The following PCDHGB2 variants were observed in gnomAD, a reference collection of about 807,000 sequenced individuals.
PCDHGB2 encodes the protein protocadherin gamma subfamily B, 2.
PCDHGB2 carries 55 observed loss-of-function variants against 59.3 expected under a neutral mutation model. That is an observed-to-expected ratio of 0.93 (90% CI 0.75 to 1.16). The LOEUF is 1.16. PCDHGB2 is among the 50% of genes most tolerant of loss of function. PCDHGB2 has a pLI of 0.00. For missense variants in PCDHGB2, 1,228 were observed against 1,198.5 expected (o/e 1.02, Z -0.36); for synonymous variants, 516 against 512.0 (o/e 1.01, Z -0.11).
chr5:141,489,896 C>T lies in PCDHGB2; in HGVS notation c.2422-4911C>T, dbSNP rs765318875. 3 of 1,614,180 alleles carry T rather than the reference C, an allele frequency of 1.9e-6. No homozygotes were observed. The highest frequency in any genetic ancestry group is 1.3e-5 in the African/African-American group (1 of 75,066). On this transcript the variant is annotated intron_variant, in intron 1 of 3. Coordinates refer to ENST00000522605, the MANE Select transcript of PCDHGB2 (RefSeq NM_018923.3). The surrounding 1 kb of genome is among the most constrained non-coding windows in gnomAD (Gnocchi z 4.5). ...GTGCTTACTGCTGTGGATGGGGGGA[C>T]CCCAGCCCGCTCAGGGACCACCCTT...
intron 2 of PCDHGB2, among the ~76,000 whole-genome samples, chr5:141,496,486 C>T (rs186488143): frequency 1.3e-5 from 2 of 152,322 alleles, no homozygotes; most frequent in East Asian, 3.9e-4. Flanking sequence ...CTGCAACCAA[C>T]CAAACCCTTG....
chr5:141,477,642 A>G lies in PCDHGB2; in HGVS notation c.2422-17165A>G, dbSNP rs767152121. On this transcript the variant is annotated intron_variant, in intron 1 of 3. Transcript: ENST00000522605. The surrounding 1 kb of genome is among the most constrained non-coding windows in gnomAD (Gnocchi z 4.9). ...GCTGAAACCGGGCTAGTGGGTCGCT[A>G]TTTCACAATAAATCGTGACAATGGC... 9 of 1,614,136 alleles carry G rather than the reference A, an allele frequency of 5.6e-6. No individual in the cohort carries two copies. Among genetic ancestry groups the G allele is most frequent in the Non-Finnish European group, 7.6e-6 (9 of 1,180,022 alleles).
chr5:141,392,785 T>G (rs1329989423), intron 1 of PCDHGB2: 2 of 1,549,000 alleles, frequency 1.3e-6, no homozygotes, highest in African/African-American at 2.7e-5. Flanking sequence ...ACAGTGAAGA[T>G]TCTGAGAGGA....
chr5:141,372,619 C>A, intron 1 of PCDHGB2: 1 of 1,613,968 alleles, frequency 6.2e-7, no homozygotes, highest in South Asian at 1.1e-5. Context: ...GTTCTCCCCA[C>A]CTACAGCGAA....
intron 1 of PCDHGB2, chr5:141,370,955 T>C (rs780139792): frequency 7.4e-6 from 12 of 1,613,996 alleles, no homozygotes; most frequent in South Asian, 4.4e-5. Flanking sequence ...AGAACCTGGA[T>C]GGCAGTAGGT....
intron 1 of PCDHGB2, chr5:141,389,390 C>G: frequency 2.5e-6 from 4 of 1,613,718 alleles, no homozygotes; most frequent in Non-Finnish European, 3.4e-6. Context: ...TGTCATCCTA[C>G]GTGTCCATAA....
chr5:141,505,335 A>G, intron 2 of PCDHGB2, 58 bp from the exon 3 acceptor site: 1 of 1,611,086 alleles, frequency 6.2e-7, no homozygotes, highest in Non-Finnish European at 8.5e-7. Flanking sequence ...AGAGGACAGG[A>G]GGGGCATGAG....
intron 1 of PCDHGB2, chr5:141,374,825 C>A (rs11575953): frequency 0.017 from 27,610 of 1,613,884 alleles, 291 homozygotes; most frequent in African/African-American, 0.03. Context: ...GCCTGTCTAC[C>A]GTGTAAGTGT....
At chr5:141,452,256 C>T (rs533770410) in intron 1 of PCDHGB2, among the ~76,000 whole-genome samples, 1 of 152,298 alleles carries the variant, frequency 6.6e-6, no homozygotes, top group African/African-American at 2.4e-5. Flanking sequence ...CCATAACTCT[C>T]TCATTTTCTT....
intron 1 of PCDHGB2, chr5:141,412,426 A>G (rs1051574976): frequency 2.6e-5 from 4 of 152,234 alleles, no homozygotes; most frequent in African/African-American, 9.6e-5. Context: ...GTTTTACACA[A>G]AAAGGTTAAT....
At chr5:141,364,184 A>G (rs1240883607) in intron 1 of PCDHGB2, 2 of 965,444 alleles carry the variant, frequency 2.1e-6, no homozygotes, top group Non-Finnish European at 1.5e-6. Flanking sequence ...CTCCCTCCAT[A>G]CTAAACACAC....
chr5:141,491,850 T>C lies in PCDHGB2; in HGVS notation c.2422-2957T>C. ...CCCGATTCTCGGGATCATTGGACCG[T>C]TTGCGCGAAACCAGAGTGGCCGATT... On this transcript the variant is annotated intron_variant, in intron 1 of 3. Transcript: ENST00000522605. The surrounding 1 kb of genome is among the most constrained non-coding windows in gnomAD (Gnocchi z 6.9). 6.8e-7 allele frequency: 1 copy of C among 1,460,996 alleles called. No homozygotes were observed. The highest frequency in any genetic ancestry group is 2.5e-5 in the East Asian group (1 of 40,084). The allele number at this position is 1,460,996 out of a possible 1,614,324, so 90.5% of individuals were successfully genotyped here.
In PCDHGB2 at chr5:141,360,561, T is replaced by C. The variant is rs1479698668; in HGVS notation, c.426T>C (p.Ile142=). 4 of 1,613,992 alleles carry C rather than the reference T, an allele frequency of 2.5e-6. No homozygotes were observed. The African/African-American group carries it at 5.3e-5, about 21-fold the overall frequency. ...AACAGACTAAGATTAATTTAAAAAT[T>C]GGCGAATCCACTAAGCCAGGTACAA... ...LFKQTKINLK[I]GESTKPGTTF... Residue 142 remains isoleucine (I), a synonymous_variant, in exon 1 of 4, where the codon ATT becomes ATC. Transcript: ENST00000522605.
In PCDHGB2 at chr5:141,361,859, T is replaced by C; in HGVS notation, c.1724T>C (p.Phe575Ser). The C allele has an allele frequency of 2.5e-6, 4 of 1,612,236 alleles. No homozygotes were observed. The highest frequency in any genetic ancestry group is 3.4e-6 in the Non-Finnish European group (4 of 1,179,654). The change falls in exon 1 of 4, where the codon TTC (phenylalanine) becomes TCC (serine). Residue 575 changes from phenylalanine to serine, a missense_variant. Physicochemically the swap from Phe to Ser is radical, Grantham distance 155. Coordinates refer to ENST00000522605, the MANE Select transcript of PCDHGB2 (RefSeq NM_018923.3). ...PALGPDGSAL[F>S]DMVPRAAEPG... ...CTGGGGCCTGATGGCTCCGCCCTCT[T>C]CGATATGGTGCCACGCGCCGCAGAG...
chr5:141,423,058 A>G (rs1235938743), intron 1 of PCDHGB2: 3 of 1,614,022 alleles, frequency 1.9e-6, no homozygotes, highest in African/African-American at 2.7e-5. Flanking sequence ...TCGCCTGCTT[A>G]AGGCCAGCGA....
At chr5:141,422,345 A>G in intron 1 of PCDHGB2, 1 of 1,551,648 alleles carries the variant, frequency 6.4e-7, no homozygotes, top group South Asian at 1.3e-5. Context: ...CTAAATGTGC[A>G]AGATCAAGAT....
At chr5:141,426,825 A>G (rs747894160) in intron 1 of PCDHGB2, 26 of 456,582 alleles carry the variant, frequency 5.7e-5, no homozygotes, top group Non-Finnish European at 9.3e-5. Context: ...CTCTCTGATG[A>G]TGGACAAGAC....
intron 1 of PCDHGB2, chr5:141,374,073 A>AT: frequency 6.6e-7 from 1 of 1,510,034 alleles, no homozygotes; most frequent in Non-Finnish European, 8.8e-7. Flanking sequence ...GAAGTTCCTA[A>AT]TAAGCCAGTA....
chr5:141,374,484 TAAAGG>T, intron 1 of PCDHGB2: 1 of 1,611,588 alleles, frequency 6.2e-7, no homozygotes, highest in Non-Finnish European at 8.5e-7. Flanking sequence ...CCCCGATTCT[TAAAGG>T]AAGAATTGGA....
Sources: allele counts gnomAD v4.1 joint callset (sites outside exome capture counted in the v4.1 genomes callset), GRCh38; gene constraint gnomAD v4.1.1; non-coding constraint Gnocchi (gnomAD v3.1); transcripts MANE v1.5; gene names NCBI Gene and HGNC (gene_info 2026-07-23, HGNC 2026-07-21).